The following CSF2RA variants were observed in gnomAD, a reference collection of about 807,000 sequenced individuals.
CSF2RA encodes the protein colony stimulating factor 2 receptor subunit alpha, also known as granulocyte-macrophage colony-stimulating factor receptor subunit alpha.
A neutral mutation model predicts 51.6 loss-of-function variants in CSF2RA; 42 were observed. The observed-to-expected ratio is 0.81, with a 90% CI of 0.64 to 1.05. The LOEUF is 1.05. CSF2RA is among the 50% of genes least tolerant of loss of function. CSF2RA has a pLI of 0.00. For missense variants in CSF2RA, 530 were observed against 501.1 expected, an observed-to-expected ratio of 1.06 and a Z score of -0.55; for synonymous variants, 222 against 193.0, an observed-to-expected ratio of 1.15 and a Z score of -1.24.
At position 1,282,751 on chromosome X, in the gene CSF2RA, A is replaced by C. The variant is rs1461872679; in HGVS notation, c.48A>C (p.Pro16=). The C allele has an allele frequency of 1.2e-6, 2 of 1,613,842 alleles. No individual in the cohort carries two copies. Among genetic ancestry groups the C allele is most frequent in the Non-Finnish European group, 1.7e-6 (2 of 1,179,806 alleles). Residue 16 remains proline, a synonymous_variant, in exon 3 of 13, where the codon CCA becomes CCC. Coordinates refer to ENST00000381529, the MANE Select transcript of CSF2RA (RefSeq NM_172245.4). ...TSLLLCELPH[P]AFLLIPEKSD... ...TTCTGCTCTGTGAGTTACCACACCC[A>C]GCATTCCTCCTGATCCCAGAGAAAT...
downstream of CSF2RA, among the ~76,000 whole-genome samples, chrX:1,314,413 C>CACTCT (rs2084368170): frequency 6.7e-6 from 1 of 148,852 alleles, no homozygotes; most frequent in African/African-American, 2.5e-5. Flanking sequence ...CCTGCCTAAC[C>CACTCT]GTACTGCACC....
At chrX:1,321,581 A>C in the CSF2RA span, among the ~76,000 whole-genome samples, 1 of 151,996 alleles carries the variant, frequency 6.6e-6, no homozygotes, top group Non-Finnish European at 1.5e-5. Flanking sequence ...TCTCAAAAAA[A>C]AAAAAAAAGA....
chrX:1,294,580 T>C (rs2091736005), intron 8 of CSF2RA, 119 bp downstream of exon 8: 5 of 1,367,602 alleles, frequency 3.7e-6, no homozygotes, highest in Non-Finnish European at 5.1e-6. Context: ...TGGTGAGCGG[T>C]GACTCTGGGG....
At chrX:1,303,244 T>C (rs1422669592) in intron 10 of CSF2RA, 2 of 376,662 alleles carry the variant, frequency 5.3e-6, no homozygotes, top group Non-Finnish European at 9.5e-6. Context: ...TTTATTTATT[T>C]ATTTATTTTG....
At chrX:1,294,842 C>G (rs1216208868) in intron 8 of CSF2RA, among the ~76,000 whole-genome samples, 2 of 84,574 alleles carry the variant, frequency 2.4e-5, no homozygotes, top group Middle Eastern at 5.6e-3. Context: ...GGACACCCGA[C>G]CCCACCTCCA....
chrX:1,294,160 A>G, intron 7 of CSF2RA, 168 bp from the exon 8 acceptor site: 2 of 828,746 alleles, frequency 2.4e-6, no homozygotes, highest in South Asian at 2.8e-5. Flanking sequence ...CAGTGTAGTC[A>G]AAGAGGTGTC....
rs2083237469 is a variant in CSF2RA at position 1,303,585 on chromosome X, A to G, written c.947-338A>G. ...GAGACGGGGTTTCACCATGTTGGTC[A>G]GGCTGGTCTCGAACTCCCAACCTCA... On this transcript the variant is annotated intron_variant, in intron 10 of 12. Coordinates refer to ENST00000381529, the MANE Select transcript of CSF2RA (RefSeq NM_172245.4). Among the ~76,000 whole-genome samples, 2 of 152,040 alleles carry G rather than the reference A, an allele frequency of 1.3e-5. 1 individual carries two copies. Among genetic ancestry groups the G allele is most frequent in the South Asian group, 4.1e-4 (2 of 4,828 alleles).
In CSF2RA at chrX:1,290,353, C is replaced by A; in HGVS notation, c.490C>A (p.Arg164=). The A allele has an allele frequency of 6.2e-7, 1 of 1,613,286 alleles. No individual in the cohort carries two copies. Among genetic ancestry groups the A allele is most frequent in the South Asian group, 1.1e-5 (1 of 91,042 alleles). Reference sequence around the variant, plus strand: ...ATCTTTCAGGAGAAGGAGGGAGATCCGGTGTCCTTATTACATACAAGACTC... The same window carrying A: ...ATCTTTCAGGAGAAGGAGGGAGATCAGGTGTCCTTATTACATACAAGACTC... The part of the protein sequence containing the change: ...IRNSKRRREI[R]CPYYIQDSGT... Residue 164 remains arginine (R), a synonymous_variant, in exon 7 of 13, where the codon CGG becomes AGG. Transcript: ENST00000381529.
At chrX:1,290,608 T>A in intron 7 of CSF2RA, 99 bp downstream of exon 7, 1 of 1,221,938 alleles carries the variant, frequency 8.2e-7, no homozygotes, top group Non-Finnish European at 1.2e-6. Context: ...CTCACACCTG[T>A]AATCTCAGCA....
At chrX:1,279,862 T>G (rs2089668463) in intron 2 of CSF2RA, among the ~76,000 whole-genome samples, 1 of 151,746 alleles carries the variant, frequency 6.6e-6, no homozygotes, top group South Asian at 2.1e-4. Flanking sequence ...CGATCTCGGC[T>G]CACTGCAGCC....
At chrX:1,314,299 C>CGT (rs1285006239), downstream of CSF2RA, among the ~76,000 whole-genome samples, 55 of 109,032 alleles carry the variant, frequency 5.0e-4, 1 homozygote, top group Middle Eastern at 8.5e-3. Flanking sequence ...TCTGCCCAAC[C>CGT]ACTCTGTGCC....
chrX:1,303,731 G>GAAA (rs1247830475), intron 10 of CSF2RA, among the ~76,000 whole-genome samples, 192 bp from the exon 11 acceptor site: 1 of 152,086 alleles, frequency 6.6e-6, no homozygotes, highest in Non-Finnish European at 1.5e-5. Context: ...CAAAACATAG[G>GAAA]GCAGGCAGGT....
chrX:1,290,528 A>G lies in CSF2RA; in HGVS notation c.646+19A>G. The G allele has an allele frequency of 6.2e-7, 1 of 1,610,094 alleles. No individual in the cohort carries two copies. The highest frequency in any genetic ancestry group is 1.1e-5 in the South Asian group (1 of 90,974). On this transcript the variant is annotated intron_variant, in intron 7 of 12. Coordinates refer to ENST00000381529, the MANE Select transcript of CSF2RA (RefSeq NM_172245.4). ...AAAATAGGTGAGAATAACACATATGATTTTCCTATTGTTTATAGGTGAAAT... is the reference window on the plus strand; with the variant it reads ...AAAATAGGTGAGAATAACACATATGGTTTTCCTATTGTTTATAGGTGAAAT...
At chrX:1,318,767 A>C in the CSF2RA span, among the ~76,000 whole-genome samples, 2 of 150,872 alleles carry the variant, frequency 1.3e-5, no homozygotes. Flanking sequence ...AGTACAAAAA[A>C]TGAGCCTGGC....
chrX:1,316,260 TGATAGATA>T, the CSF2RA span, among the ~76,000 whole-genome samples: 1,596 of 94,150 alleles, frequency 0.017, 17 homozygotes, highest in African/African-American at 0.03. Flanking sequence ...ATTAGATAGA[TGATAGATA>T]GATAGATAGA....
intron 1 of CSF2RA, 105 bp downstream of exon 1, chrX:1,268,984 A>G (rs1487428795): frequency 2.4e-6 from 1 of 420,114 alleles, no homozygotes; most frequent in Non-Finnish European, 4.8e-6. Flanking sequence ...GAACTGGAAC[A>G]TAAGATTTCA....
Position 1,288,879 on chromosome X carries a change from G to A in CSF2RA, c.464G>A (p.Arg155Gln), listed in dbSNP as rs200344796. 8.0e-5 allele frequency: 129 copies of A among 1,602,670 alleles called. 2 individuals are homozygous for A. The South Asian group carries it at 8.2e-4, about 10-fold the overall frequency. ...GACGTCCAGTATTTTTTGTACATAC[G>A]AAACTCAAAGTAAGTGTTCACCTCA... ...PRDVQYFLYI[R>Q]NSKRRREIRC... The change falls in exon 6 of 13, where the codon CGA (arginine) becomes CAA (glutamine). Residue 155 changes from arginine (R) to glutamine (Q), a missense_variant. By Grantham distance (43) the Arg-to-Gln change is conservative. Coordinates refer to ENST00000381529, the MANE Select transcript of CSF2RA (RefSeq NM_172245.4).
chrX:1,269,017 G>C (rs1157674379), intron 1 of CSF2RA, 138 bp downstream of exon 1: 1 of 387,592 alleles, frequency 2.6e-6, no homozygotes, highest in African/African-American at 2.1e-5. Context: ...AGCCGAAGTG[G>C]GGACAGCGGC....
intron 8 of CSF2RA, 26 bp downstream of exon 8, chrX:1,294,487 G>T (rs747329170): frequency 6.2e-7 from 1 of 1,613,518 alleles, no homozygotes; most frequent in Admixed American, 1.7e-5. Context: ...CCGGGGCTGG[G>T]CACCAGGAGG....
Sources: gnomAD v4.1 joint callset for allele counts (sites outside exome capture counted in the v4.1 genomes callset) on GRCh38, gnomAD v4.1.1 for gene constraint, MANE v1.5 for transcripts, NCBI Gene and HGNC (gene_info 2026-07-23, HGNC 2026-07-21) for gene names.